TM7SF3: variants seen among roughly 807,000 people sequenced by gnomAD.
TM7SF3 encodes the protein transmembrane 7 superfamily member 3.
In TM7SF3, 60 loss-of-function variants were observed where a neutral mutation model predicts 65.5. The ratio of observed to expected loss-of-function variants is 0.92; its 90% CI spans 0.74 to 1.14. The LOEUF (loss-of-function observed/expected upper bound fraction) is 1.14, where lower values mean the gene tolerates loss of function less well. Ranked by LOEUF, TM7SF3 falls within the 50% of genes most tolerant of loss-of-function variation. The probability of loss-of-function intolerance (pLI) is 0.00; values close to 1 mark genes in which losing one functional copy is unlikely to be tolerated. For synonymous variants in TM7SF3, 264 were observed against 259.6 expected (o/e 1.02, Z -0.16); for missense variants, 623 against 684.8 (o/e 0.91, Z 1.01).
At chr12:26,999,353 G>A (rs1180667392) in intron 3 of TM7SF3, among the ~76,000 whole-genome samples, 173 bp downstream of exon 3, 4 of 151,258 alleles carry the variant, frequency 2.6e-5, no homozygotes, top group Non-Finnish European at 5.9e-5. Context: ...CCGAGATCGC[G>A]CCACTACACT....
At chr12:26,988,523 C>T (rs964203400) in intron 6 of TM7SF3, among the ~76,000 whole-genome samples, 2 of 152,006 alleles carry the variant, frequency 1.3e-5, no homozygotes, top group African/African-American at 2.4e-5. Context: ...AATGTGCTAA[C>T]GTGTGAATTA....
rs757389801 is a variant in TM7SF3 at position 26,973,936 on chromosome 12, T to A, written c.*29A>T. 1.1e-5 allele frequency: 18 copies of A among 1,608,098 alleles called. No individual in the cohort carries two copies. Among genetic ancestry groups the A allele is most frequent in the Admixed American group, 3.4e-5 (2 of 59,354 alleles). The stretch of plus-strand genomic sequence containing the variant: ...CCACTCCAGGCATGAACTCCAAAGC[T>A]GAGGCACACTGACCAAGCCCCTGGG... On this transcript the variant is annotated 3_prime_UTR_variant, in exon 12 of 12. Transcript: ENST00000343028.
intron 10 of TM7SF3, 72 bp downstream of exon 10, chr12:26,976,188 G>T: frequency 8.5e-7 from 1 of 1,176,600 alleles, no homozygotes. Flanking sequence ...CATGCAAAAT[G>T]ATGAAATAAG....
At chr12:26,979,558 C>T in intron 9 of TM7SF3, 1 of 553,098 alleles carries the variant, frequency 1.8e-6, no homozygotes, top group Admixed American at 3.2e-5. Context: ...CAAATAGATA[C>T]AAAGCTACCT....
At position 26,990,487 on chromosome 12, in the gene TM7SF3, G is replaced by A. The variant is rs1369875916; in HGVS notation, c.831C>T (p.Cys277=). 6 of 1,613,860 alleles carry A rather than the reference G, an allele frequency of 3.7e-6. No individual in the cohort carries two copies. The highest frequency in any genetic ancestry group is 5.1e-6 in the Non-Finnish European group (6 of 1,179,874). Residue 277 remains cysteine (C), a synonymous_variant, in exon 6 of 12, where the codon TGC becomes TGT. Transcript: ENST00000343028. ...AACTACCCTCTCCTGCCTCAAAGCT[G>A]CAAGCGTATGTGTGAGCAGGAATGT... is the stretch of plus-strand genomic sequence containing the variant. ...AAYIPAHTYA[C]SFEAGEGSCA...
Position 26,990,532 on chromosome 12 carries a change from A to G in TM7SF3, c.786T>C (p.Phe262=), listed in dbSNP as rs1940305167. The change falls in exon 6 of 12, where the codon TTT becomes TTC. Residue 262 remains phenylalanine, a synonymous_variant. Transcript: ENST00000343028. ...GAATGTAGGCAGCAGATGTATTTAG[A>G]AACGGGTCCCAAACAATGACATTGT... ...VIYNVIVWDP[F]LNTSAAYIPA... is the part of the protein sequence containing the mutation. 2 of 1,614,016 alleles carry G rather than the reference A, an allele frequency of 1.2e-6. No individual in the cohort carries two copies. The highest frequency in any genetic ancestry group is 1.7e-6 in the Non-Finnish European group (2 of 1,179,954).
At chr12:26,999,449 G>C in intron 3 of TM7SF3, 77 bp downstream of exon 3, 3 of 1,463,622 alleles carry the variant, frequency 2.0e-6, no homozygotes, top group East Asian at 4.6e-5. Context: ...AATCTCAATA[G>C]GATAATTTTC....
intron 1 of TM7SF3, chr12:27,013,038 G>A (rs1216561422): frequency 8.9e-6 from 2 of 224,718 alleles, no homozygotes; most frequent in African/African-American, 2.4e-5. Flanking sequence ...ATCAAAAATG[G>A]TGTACTCATA....
chr12:26,988,029 C>A lies in TM7SF3; in HGVS notation c.868+2421G>T, dbSNP rs138612161. 7.7e-4 allele frequency among the ~76,000 whole-genome samples: 115 copies of A among 150,018 alleles called. 1 individual carries two copies. The highest frequency in any genetic ancestry group is 3.5e-3 in the Middle Eastern group (1 of 286). ...TAAAAAAAATAAATATTCTGTACTT[C>A]TCAAAAAAGTCAAGGTCTTAAAAGA... On this transcript the variant is annotated intron_variant, in intron 6 of 11. Transcript: ENST00000343028.
chr12:26,982,763 G>C lies in TM7SF3; in HGVS notation c.955+10C>G. ...CAAAATGGAAATAGCAACTACATTG[G>C]ACATAATACCTGTTTTCCAGAATCT... On this transcript the variant is annotated intron_variant, in intron 7 of 11. Transcript: ENST00000343028. The C allele has an allele frequency of 6.3e-7, 1 of 1,595,214 alleles. No individual in the cohort carries two copies. The highest frequency in any genetic ancestry group is 8.5e-7 in the Non-Finnish European group (1 of 1,170,122).
intron 6 of TM7SF3, among the ~76,000 whole-genome samples, chr12:26,988,009 A>G (rs1168136351): frequency 6.6e-6 from 1 of 152,182 alleles, no homozygotes; most frequent in Non-Finnish European, 1.5e-5. Flanking sequence ...CATTCTAAAA[A>G]AAATAAATAT....
chr12:27,002,560 T>C (rs1940874843), intron 2 of TM7SF3, among the ~76,000 whole-genome samples: 1 of 152,098 alleles, frequency 6.6e-6, no homozygotes, highest in East Asian at 1.9e-4. Flanking sequence ...TCATACAAGG[T>C]GAAATGCATG....
At chr12:27,005,637 T>C (rs1417208517) in intron 1 of TM7SF3, among the ~76,000 whole-genome samples, 3 of 152,136 alleles carry the variant, frequency 2.0e-5, no homozygotes, top group African/African-American at 7.2e-5. Flanking sequence ...TCACCCAGGA[T>C]GAGGATGAAT....
At chr12:26,974,704 C>T (rs74507392) in intron 11 of TM7SF3, among the ~76,000 whole-genome samples, 9,509 of 152,202 alleles carry the variant, frequency 0.062, 436 homozygotes, top group East Asian at 0.18. Context: ...TTCAACCAAT[C>T]GTACTCAGCT....
chr12:26,996,738 G>GT lies in TM7SF3; in HGVS notation c.518+3dup, dbSNP rs755619904. The GT allele has an allele frequency of 6.2e-7, 1 of 1,608,532 alleles. No homozygotes were observed. Among genetic ancestry groups the GT allele is most frequent in the Non-Finnish European group, 8.5e-7 (1 of 1,178,230 alleles). On this transcript the variant is annotated splice_donor_region_variant and intron_variant, in intron 4 of 11. Transcript: ENST00000343028. ...CATTTCTCAGACATGGGAGACAGACGTACCTCGCATAGCCTAGGTTTGCTG... is the reference window on the plus strand; with the variant it reads ...CATTTCTCAGACATGGGAGACAGACGTTACCTCGCATAGCCTAGGTTTGCTG...
chr12:27,002,098 T>C (rs1490677491), intron 2 of TM7SF3, among the ~76,000 whole-genome samples: 2 of 151,942 alleles, frequency 1.3e-5, no homozygotes, highest in Non-Finnish European at 2.9e-5. Flanking sequence ...CAAACCTCTA[T>C]GGTAGGGGAA....
rs1389672495 is a variant in TM7SF3 at position 26,995,299 on chromosome 12, T to G, written c.628A>C (p.Met210Leu). ...FLPENDLTEE[M>L]LLKHLQRMVS... ...ATCCTCTGCAGATGCTTCAGCAACA[T>G]CTCCTCAGTGAGGTCATTCTCAGGC... The change falls in exon 5 of 12, where the codon ATG becomes CTG. Residue 210 changes from methionine to leucine, a missense_variant. Physicochemically the swap from Met to Leu is conservative, Grantham distance 15. Transcript: ENST00000343028. The G allele has an allele frequency of 7.4e-6, 12 of 1,614,020 alleles. No homozygotes were observed. The highest frequency in any genetic ancestry group is 1.0e-5 in the Non-Finnish European group (12 of 1,180,032).
At chr12:26,979,653 C>T (rs1374237139) in intron 9 of TM7SF3, 131 bp downstream of exon 9, 3 of 994,544 alleles carry the variant, frequency 3.0e-6, no homozygotes, top group East Asian at 5.3e-5. Context: ...AAGTGTCACA[C>T]CATCAATGCA....
At chr12:27,000,561 G>A (rs1180073788) in intron 2 of TM7SF3, among the ~76,000 whole-genome samples, 2 of 152,050 alleles carry the variant, frequency 1.3e-5, no homozygotes, top group African/African-American at 4.8e-5. Context: ...CCGGGTTCAC[G>A]CCATTCTCCT....
Sources: allele counts gnomAD v4.1 joint callset (sites outside exome capture counted in the v4.1 genomes callset), GRCh38; gene constraint gnomAD v4.1.1; transcripts MANE v1.5; gene names NCBI Gene and HGNC (gene_info 2026-07-23, HGNC 2026-07-21).